Variants in GNAQ observed in about 807,000 individuals in gnomAD.
The protein encoded by GNAQ is guanine nucleotide-binding protein G(q) subunit alpha.
A neutral mutation model predicts 43.9 loss-of-function variants in GNAQ; 8 were observed. That is an observed-to-expected ratio of 0.18 (90% CI 0.11 to 0.33). GNAQ has a LOEUF of 0.33. Ranked by LOEUF, GNAQ falls within the 10% of genes least tolerant of loss-of-function variation. GNAQ has a pLI of 1.00. For missense variants in GNAQ, 158 were observed against 450.8 expected (o/e 0.35, Z 5.88); for synonymous variants, 155 against 170.7 (o/e 0.91, Z 0.71).
At chr9:78,023,907 T>TTATGTGTGTATAAACACACACATATTGTA (rs574820078) in intron 1 of GNAQ, among the ~76,000 whole-genome samples, 24 of 123,402 alleles carry the variant, frequency 1.9e-4, no homozygotes, top group South Asian at 1.2e-3. Context: ...TGTGGGTCAA[T>TTATGTGTGTATAAACACACACATATTGTA]TATGTGTGTA....
intron 1 of GNAQ, among the ~76,000 whole-genome samples, chr9:77,938,326 C>T (rs1829262829): frequency 6.6e-6 from 1 of 150,684 alleles, no homozygotes; most frequent in Non-Finnish European, 1.5e-5. Flanking sequence ...CCGCTTTGTT[C>T]TTTCTCTATG....
At chr9:77,891,599 G>A (rs1374112769) in intron 2 of GNAQ, among the ~76,000 whole-genome samples, 8 of 152,142 alleles carry the variant, frequency 5.3e-5, no homozygotes, top group Non-Finnish European at 4.4e-5. Flanking sequence ...ACCCCAGCCT[G>A]AGGGCCCTGC....
At chr9:77,885,377 T>G (rs900804454) in intron 2 of GNAQ, among the ~76,000 whole-genome samples, 25 of 152,286 alleles carry the variant, frequency 1.6e-4, no homozygotes, top group African/African-American at 5.3e-4. Context: ...TAAGTGAGCT[T>G]TGCTGAAAAG....
intron 1 of GNAQ, among the ~76,000 whole-genome samples, chr9:77,961,455 A>C (rs1369399456): frequency 6.6e-6 from 1 of 152,192 alleles, no homozygotes; most frequent in African/African-American, 2.4e-5. Flanking sequence ...GATGTGCAGA[A>C]GGGTGCCCTT....
intron 5 of GNAQ, among the ~76,000 whole-genome samples, chr9:77,762,571 C>T (rs1287213910): frequency 6.7e-6 from 1 of 149,776 alleles, no homozygotes; most frequent in Non-Finnish European, 1.5e-5. Context: ...GCCCCTCTGC[C>T]CGGCCACCAC....
chr9:78,003,311 T>A lies in GNAQ; in HGVS notation c.136+27789A>T, dbSNP rs998473664. 3.9e-5 allele frequency among the ~76,000 whole-genome samples: 6 copies of A among 152,344 alleles called. No homozygotes were observed. In the East Asian group the frequency reaches 1.2e-3, roughly 29 times the overall value. ...AAGTTTCTCACCAGAATTCTTTCTC[T>A]TGAGCCGTATTCTCTATCTTCATCT... is the stretch of plus-strand genomic sequence containing the variant. On this transcript the variant is annotated intron_variant, in intron 1 of 6. Transcript: ENST00000286548.
intron 4 of GNAQ, among the ~76,000 whole-genome samples, chr9:77,794,979 GA>G (rs1254613443): frequency 6.6e-6 from 1 of 151,996 alleles, no homozygotes; most frequent in Non-Finnish European, 1.5e-5. Context: ...TATAAAATCG[GA>G]AAAAAGATCC....
At position 77,922,377 on chromosome 9, in the gene GNAQ, C is replaced by T. The variant is rs757868189; in HGVS notation, c.137-32G>A. 2.0e-6 allele frequency: 3 copies of T among 1,501,214 alleles called. No individual in the cohort carries two copies. In the East Asian group the frequency reaches 6.8e-5, roughly 34 times the overall value. The allele number at this position is 1,501,214 out of a possible 1,614,324, so 93.0% of individuals were successfully genotyped here. On this transcript the variant is annotated intron_variant, in intron 1 of 6. Transcript: ENST00000286548. ...GATGAACAATAGCAGCTCATCAGAC[C>T]ACAGTGCCATCTCAGTCTCTCAGAT...
At chr9:77,726,935 G>C (rs1006086374) in intron 6 of GNAQ, among the ~76,000 whole-genome samples, 1 of 152,144 alleles carries the variant, frequency 6.6e-6, no homozygotes, top group African/African-American at 2.4e-5. Flanking sequence ...TTCTATCTCT[G>C]TCACAATTAT....
intron 2 of GNAQ, among the ~76,000 whole-genome samples, chr9:77,828,990 G>C (rs1449312540): frequency 6.6e-6 from 1 of 152,172 alleles, no homozygotes; most frequent in Non-Finnish European, 1.5e-5. Flanking sequence ...GCAAGGCCCT[G>C]GACTTTCCTC....
At chr9:77,976,012 C>G (rs781584443) in intron 1 of GNAQ, among the ~76,000 whole-genome samples, 17 of 152,258 alleles carry the variant, frequency 1.1e-4, no homozygotes, top group Non-Finnish European at 1.0e-4. Context: ...AAAGATACTA[C>G]AAGTGGTATA....
At chr9:77,904,317 C>CCTTTTT (rs1244010736) in intron 2 of GNAQ, among the ~76,000 whole-genome samples, 53 of 77,434 alleles carry the variant, frequency 6.8e-4, no homozygotes, top group African/African-American at 3.0e-3. Context: ...TTCACACCGG[C>CCTTTTT]TTTTTTTTTT....
At chr9:77,759,985 C>T (rs1370280807) in intron 5 of GNAQ, among the ~76,000 whole-genome samples, 13 of 148,666 alleles carry the variant, frequency 8.7e-5, no homozygotes, top group Non-Finnish European at 1.8e-4. Flanking sequence ...GTCTCAAACC[C>T]CTGGGCACAA....
intron 1 of GNAQ, among the ~76,000 whole-genome samples, chr9:77,943,437 T>C (rs1476718056): frequency 6.6e-6 from 1 of 152,212 alleles, no homozygotes; most frequent in African/African-American, 2.4e-5. Flanking sequence ...TTTTCTGCGA[T>C]TAAAATGTTT....
chr9:78,002,903 T>C (rs923200500), intron 1 of GNAQ, among the ~76,000 whole-genome samples: 1 of 152,176 alleles, frequency 6.6e-6, no homozygotes, highest in Non-Finnish European at 1.5e-5. Context: ...CCTTTCAGTC[T>C]ACCATAGCAT....
At chr9:77,953,671 A>G (rs1472560610) in intron 1 of GNAQ, among the ~76,000 whole-genome samples, 1 of 152,176 alleles carries the variant, frequency 6.6e-6, no homozygotes, top group African/African-American at 2.4e-5. Context: ...CAAAAACAAA[A>G]TATGAACAGA....
intron 5 of GNAQ, among the ~76,000 whole-genome samples, chr9:77,729,517 A>T (rs1377682761): frequency 1.3e-5 from 2 of 151,990 alleles, no homozygotes; most frequent in Non-Finnish European, 2.9e-5. Flanking sequence ...AAAAAAACAT[A>T]TCAGCCAAAA....
intron 2 of GNAQ, among the ~76,000 whole-genome samples, chr9:77,885,800 CAAAAA>C (rs77113247): frequency 8.1e-6 from 1 of 123,326 alleles, no homozygotes; most frequent in Non-Finnish European, 1.8e-5. Context: ...GAACAAGGAC[CAAAAA>C]AAAAAAAAGT....
intron 2 of GNAQ, among the ~76,000 whole-genome samples, chr9:77,907,942 C>T (rs1402082724): frequency 2.6e-5 from 4 of 152,142 alleles, no homozygotes; most frequent in Non-Finnish European, 4.4e-5. Context: ...TTTATGGAGT[C>T]AAGTATACGA....
Sources: allele counts gnomAD v4.1 joint callset (sites outside exome capture counted in the v4.1 genomes callset), GRCh38; gene constraint gnomAD v4.1.1; transcripts MANE v1.5; gene names NCBI Gene and HGNC (gene_info 2026-07-23, HGNC 2026-07-21).